DDX6: variants seen among roughly 807,000 people sequenced by gnomAD.
The protein encoded by DDX6 is probable ATP-dependent RNA helicase DDX6.
A neutral mutation model predicts 60.6 loss-of-function variants in DDX6; 7 were observed. The observed-to-expected ratio is 0.12, with a 90% CI of 0.07 to 0.22. DDX6 has a LOEUF of 0.22. DDX6 is among the 10% of genes least tolerant of loss of function. The probability of loss-of-function intolerance (pLI) is 1.00; values close to 1 mark genes in which losing one functional copy is unlikely to be tolerated. For missense variants in DDX6, 270 were observed against 589.9 expected (o/e 0.46, Z 5.62); for synonymous variants, 207 against 201.0 (o/e 1.03, Z -0.25).
At position 118,786,056 on chromosome 11, in the gene DDX6, T is replaced by C. The variant is rs746905779; in HGVS notation, c.196A>G (p.Ile66Val). Residue 66 changes from isoleucine to valine, a missense_variant, in exon 2 of 14, where the codon ATT (isoleucine) becomes GTT (valine). Physicochemically the swap from Ile to Val is conservative, Grantham distance 29. Around this residue, in one of 8 missense-constraint regions of DDX6, gnomAD observed 102 missense variants for 110.5 expected, o/e 0.92. Coordinates refer to ENST00000534980, the MANE Select transcript of DDX6 (RefSeq NM_004397.6). ...ATAATTTACTCTAACACTTACTTAA[T>C]AGTGGTGGTCATACTCTGTGCTTGC... ...QQQAQSMTTT[I>V]KPGDDWKKTL... 62 of 1,612,898 alleles carry C rather than the reference T, an allele frequency of 3.8e-5. No individual in the cohort carries two copies. The highest frequency in any genetic ancestry group is 4.5e-5 in the Non-Finnish European group (53 of 1,179,378).
rs1222688600 is a variant in DDX6 at position 118,786,405 on chromosome 11, G to A, written c.-154C>T. 3.8e-5 allele frequency: 21 copies of A among 550,484 alleles called. No individual in the cohort carries two copies. In the South Asian group the frequency reaches 6.9e-4, roughly 18 times the overall value. 34.1% of individuals were successfully genotyped at this position (550,484 alleles called of 1,614,324 possible). On this transcript the variant is annotated 5_prime_UTR_variant, in exon 2 of 14. Transcript: ENST00000534980. ...TTTATTGCAATGCAGGCAAGCACCTGTAAGTCTCTGAACGGTAAGCAGCAG... is the reference window on the plus strand; with the variant it reads ...TTTATTGCAATGCAGGCAAGCACCTATAAGTCTCTGAACGGTAAGCAGCAG...
chr11:118,768,009 A>G (rs1276950389), intron 5 of DDX6: 5 of 491,846 alleles, frequency 1.0e-5, no homozygotes, highest in Admixed American at 7.2e-5. Flanking sequence ...TGTGTATCAT[A>G]TAAGAATACT....
intron 2 of DDX6, among the ~76,000 whole-genome samples, chr11:118,784,377 TG>T (rs1862004691): frequency 6.6e-6 from 1 of 152,122 alleles, no homozygotes; most frequent in Non-Finnish European, 1.5e-5. Flanking sequence ...AGATCTAGGT[TG>T]TAATAAAACA....
At chr11:118,765,456 C>T (rs1042760878) in intron 5 of DDX6, 101 bp from the exon 6 acceptor site, 20 of 1,264,752 alleles carry the variant, frequency 1.6e-5, no homozygotes, top group South Asian at 7.6e-5. Flanking sequence ...AGAAATACTG[C>T]GCCTTATGAT....
intron 7 of DDX6, among the ~76,000 whole-genome samples, chr11:118,760,850 G>A (rs1177369019): frequency 2.7e-5 from 4 of 146,402 alleles, no homozygotes; most frequent in Admixed American, 6.9e-5. Flanking sequence ...AAAAAGTAAG[G>A]GTTCTGAGGC....
chr11:118,774,734 A>G (rs1861643511), intron 4 of DDX6, among the ~76,000 whole-genome samples: 1 of 152,086 alleles, frequency 6.6e-6, no homozygotes, highest in African/African-American at 2.4e-5. Context: ...AATTCTCCAA[A>G]TCTCACAGCC....
rs782436532 is a variant in DDX6 at position 118,763,221 on chromosome 11, T to C, written c.732A>G (p.Val244=). 5 of 1,602,000 alleles carry C rather than the reference T, an allele frequency of 3.1e-6. No homozygotes were observed. The Admixed American group carries it at 5.2e-5, about 17-fold the overall frequency. Residue 244 remains valine (V), a synonymous_variant, in exon 7 of 14, where the codon GTA becomes GTG. Transcript: ENST00000534980. ...VAKVDHVQMI[V]LDEADKLLSQ... is the part of the protein sequence containing the mutation. ...AATGAAGAGACATTACCTCATCCAA[T>C]ACTATCATCTGGACATGATCAACCT...
At chr11:118,774,425 T>C (rs1391579937) in intron 4 of DDX6, among the ~76,000 whole-genome samples, 1 of 151,672 alleles carries the variant, frequency 6.6e-6, no homozygotes, top group Non-Finnish European at 1.5e-5. Flanking sequence ...AAAGCTCTTT[T>C]GAGAGCATAT....
chr11:118,782,005 G>C (rs1248333588), intron 2 of DDX6, among the ~76,000 whole-genome samples: 1 of 151,868 alleles, frequency 6.6e-6, no homozygotes, highest in Non-Finnish European at 1.5e-5. Flanking sequence ...CTGAGGTCAG[G>C]AGTTCGAGAG....
In DDX6 at chr11:118,751,791, T is replaced by A. The variant is rs1193811008; in HGVS notation, c.*314A>T. The A allele has an allele frequency of 2.7e-6, 1 of 367,374 alleles. No homozygotes were observed. The highest frequency in any genetic ancestry group is 2.2e-5 in the African/African-American group (1 of 45,730). 22.8% of individuals were successfully genotyped at this position (367,374 alleles called of 1,614,324 possible). A position where few individuals can be genotyped will look rare whatever the true frequency, so the allele number is the denominator to read the frequency against. ...TGTGTTCATTAAGATTCTTCTCTTT[T>A]TAGGGTTTCTCCCCTTCTCTTCTTT... is the stretch of plus-strand genomic sequence containing the variant. On this transcript the variant is annotated 3_prime_UTR_variant, in exon 14 of 14. Coordinates refer to ENST00000534980, the MANE Select transcript of DDX6 (RefSeq NM_004397.6).
intron 4 of DDX6, among the ~76,000 whole-genome samples, chr11:118,768,958 T>A (rs1352646856): frequency 1.8e-5 from 2 of 113,328 alleles, no homozygotes; most frequent in Non-Finnish European, 3.3e-5. Context: ...ACCACTGTAC[T>A]CCAGCATGAA....
intron 7 of DDX6, 118 bp from the exon 8 acceptor site, chr11:118,760,162 T>C (rs1270757897): frequency 2.1e-6 from 2 of 961,552 alleles, no homozygotes; most frequent in East Asian, 2.7e-5. Flanking sequence ...ATGTTCCTGG[T>C]GGAAAACAAT....
rs1403374509 is a variant in DDX6 at position 118,751,326 on chromosome 11, T to TTTATCTACTC, written c.*769_*778dup. On this transcript the variant is annotated 3_prime_UTR_variant, in exon 14 of 14. Coordinates refer to ENST00000534980, the MANE Select transcript of DDX6 (RefSeq NM_004397.6). ...CTTTCCTTTGGGAGCGATGATGTTT[T>TTTATCTACTC]TTATCTACTCAGCCCAGAAGAAATT... 1 of 152,006 alleles carries TTTATCTACTC rather than the reference T, an allele frequency of 6.6e-6. No individual in the cohort carries two copies. Among genetic ancestry groups the TTTATCTACTC allele is most frequent in the Non-Finnish European group, 1.5e-5 (1 of 68,008 alleles). 9.4% of individuals were successfully genotyped at this position (152,006 alleles called of 1,614,324 possible). A position where few individuals can be genotyped will look rare whatever the true frequency, so the allele number is the denominator to read the frequency against.
chr11:118,777,085 A>G (rs1555163734), intron 4 of DDX6, among the ~76,000 whole-genome samples: 1 of 152,052 alleles, frequency 6.6e-6, no homozygotes. Flanking sequence ...TAATGACTAC[A>G]TACATACGCA....
intron 2 of DDX6, among the ~76,000 whole-genome samples, chr11:118,784,903 C>A (rs1286762714): frequency 6.6e-6 from 1 of 152,110 alleles, no homozygotes; most frequent in East Asian, 1.9e-4. Flanking sequence ...TGTGCCACCA[C>A]GCCCAGCTAA....
chr11:118,774,580 T>C (rs1451370190), intron 4 of DDX6, among the ~76,000 whole-genome samples: 8 of 148,662 alleles, frequency 5.4e-5, no homozygotes, highest in Non-Finnish European at 8.9e-5. Context: ...TAAGACTACA[T>C]GTCCCCCATG....
chr11:118,759,669 C>A (rs1861100584), intron 8 of DDX6, among the ~76,000 whole-genome samples: 1 of 152,116 alleles, frequency 6.6e-6, no homozygotes, highest in African/African-American at 2.4e-5. Flanking sequence ...TCAGCTAGCA[C>A]CAATGGCTAT....
At chr11:118,762,093 T>A (rs921856562) in intron 7 of DDX6, among the ~76,000 whole-genome samples, 1 of 151,722 alleles carries the variant, frequency 6.6e-6, no homozygotes, top group Non-Finnish European at 1.5e-5. Flanking sequence ...TGGCCAACAT[T>A]GCAAAACCGC....
rs1555156756 is a variant in DDX6 at position 118,749,840 on chromosome 11, T to A, written c.*2265A>T. 6.6e-6 allele frequency: 1 copy of A among 152,610 alleles called. No individual in the cohort carries two copies. The highest frequency in any genetic ancestry group is 2.4e-5 in the African/African-American group (1 of 41,438). 9.5% of individuals were successfully genotyped at this position (152,610 alleles called of 1,614,324 possible). A position where few individuals can be genotyped will look rare whatever the true frequency, so the allele number is the denominator to read the frequency against. ...GAAAAAAGTTACTTCCTTAATTAGG[T>A]TTTCTATTTAGTAACCAACATTGAC... On this transcript the variant is annotated 3_prime_UTR_variant, in exon 14 of 14. Transcript: ENST00000534980.
Sources: gnomAD v4.1 joint callset for allele counts (sites outside exome capture counted in the v4.1 genomes callset) on GRCh38, gnomAD v4.1.1 for gene constraint, gnomAD v4.1.1 regional missense constraint, MANE v1.5 for transcripts, NCBI Gene and HGNC (gene_info 2026-07-23, HGNC 2026-07-21) for gene names.